PPP2R5A: variants seen among roughly 807,000 people sequenced by gnomAD.
PPP2R5A encodes the protein protein phosphatase 2 regulatory subunit B'alpha.
A neutral mutation model predicts 64.2 loss-of-function variants in PPP2R5A; 25 were observed. That is an observed-to-expected ratio of 0.39 (90% CI 0.28 to 0.54). PPP2R5A has a LOEUF of 0.54. Among genes scored for constraint, PPP2R5A ranks in the 20% least tolerant of loss-of-function variants. The probability of loss-of-function intolerance (pLI) is 0.67; values close to 1 mark genes in which losing one functional copy is unlikely to be tolerated. For synonymous variants in PPP2R5A, 198 were observed against 201.2 expected (o/e 0.98, Z 0.13); for missense variants, 425 against 576.3 (o/e 0.74, Z 2.69).
At chr1:212,360,157 T>C (rs751297383) in intron 12 of PPP2R5A, among the ~76,000 whole-genome samples, 2 of 152,208 alleles carry the variant, frequency 1.3e-5, no homozygotes, top group Non-Finnish European at 2.9e-5. Context: ...TCATTTGACA[T>C]GTAAAAGAGG....
At chr1:212,339,042 A>C (rs1163843307) in intron 3 of PPP2R5A, among the ~76,000 whole-genome samples, 1 of 152,212 alleles carries the variant, frequency 6.6e-6, no homozygotes, top group East Asian at 1.9e-4. Context: ...TGTAGGATGG[A>C]GTAAATAGAG....
chr1:212,292,697 C>T (rs1658622774), intron 1 of PPP2R5A, among the ~76,000 whole-genome samples: 1 of 152,152 alleles, frequency 6.6e-6, no homozygotes. Flanking sequence ...GTAGCTAGGA[C>T]TACAGGTGTG....
At chr1:212,348,326 T>C (rs1054546050) in intron 6 of PPP2R5A, 63 bp from the exon 7 acceptor site, 4 of 1,018,208 alleles carry the variant, frequency 3.9e-6, no homozygotes, top group Non-Finnish European at 6.2e-6. Context: ...CTCATGGATA[T>C]GACAGCTTTT....
At chr1:212,353,087 A>T (rs1659916128) in intron 8 of PPP2R5A, 1 of 409,294 alleles carries the variant, frequency 2.4e-6, no homozygotes, top group South Asian at 1.8e-5. Context: ...GTTGAGTCTC[A>T]TATAAAGTGT....
chr1:212,331,656 A>G (rs532911145), intron 2 of PPP2R5A: 2 of 152,122 alleles, frequency 1.3e-5, no homozygotes, highest in Non-Finnish European at 2.9e-5. Context: ...ACTGTTACTG[A>G]TTTCAAATGG....
Position 212,329,310 on chromosome 1 carries a change from G to T in PPP2R5A, c.357G>T (p.Ala119=). 1 of 1,600,796 alleles carries T rather than the reference G, an allele frequency of 6.2e-7. No homozygotes were observed. Among genetic ancestry groups the T allele is most frequent in the South Asian group, 1.1e-5 (1 of 87,982 alleles). The change falls in exon 2 of 13, where the codon GCG becomes GCT. Residue 119 remains alanine (A), a synonymous_variant. Coordinates refer to ENST00000261461, the MANE Select transcript of PPP2R5A (RefSeq NM_006243.4). ...STNRGVIVES[A]YSDIVKMISA... Reference sequence around the variant, plus strand: ...ATCGTGGTGTAATTGTTGAATCAGCGTATTCTGATATAGTAAAAATGGTAA... The same window carrying T: ...ATCGTGGTGTAATTGTTGAATCAGCTTATTCTGATATAGTAAAAATGGTAA...
intron 1 of PPP2R5A, among the ~76,000 whole-genome samples, chr1:212,305,853 A>G (rs1658890416): frequency 6.6e-6 from 1 of 152,178 alleles, no homozygotes; most frequent in Non-Finnish European, 1.5e-5. Flanking sequence ...ATTTATATCT[A>G]AATAAGATAT....
At chr1:212,338,712 A>C (rs1284793218) in intron 3 of PPP2R5A, among the ~76,000 whole-genome samples, 1 of 151,926 alleles carries the variant, frequency 6.6e-6, no homozygotes, top group Non-Finnish European at 1.5e-5. Flanking sequence ...GCTTGAACCC[A>C]GGAGGCAGAG....
chr1:212,344,713 A>G (rs1659743676), intron 4 of PPP2R5A, among the ~76,000 whole-genome samples: 2 of 152,194 alleles, frequency 1.3e-5, no homozygotes, highest in South Asian at 4.1e-4. Context: ...TTAAATGGAA[A>G]TTTGAGATTT....
At chr1:212,303,930 T>C (rs761078285) in intron 1 of PPP2R5A, among the ~76,000 whole-genome samples, 3 of 152,254 alleles carry the variant, frequency 2.0e-5, no homozygotes, top group Non-Finnish European at 4.4e-5. Context: ...TTACTTGTTT[T>C]ATATAGTAAG....
intron 1 of PPP2R5A, among the ~76,000 whole-genome samples, chr1:212,311,279 T>C (rs953291574): frequency 2.6e-5 from 4 of 152,054 alleles, no homozygotes; most frequent in African/African-American, 4.8e-5. Context: ...CCATCCTGGC[T>C]AACACGGTGA....
chr1:212,339,992 T>TA (rs67654928), intron 3 of PPP2R5A, among the ~76,000 whole-genome samples: 28,632 of 72,766 alleles, frequency 0.39, 7,223 homozygotes, highest in African/African-American at 0.54. Context: ...ACATGCTGCT[T>TA]AAAAAAAAAA....
At chr1:212,328,896 G>A (rs527733409) in intron 1 of PPP2R5A, among the ~76,000 whole-genome samples, 16 of 152,000 alleles carry the variant, frequency 1.1e-4, no homozygotes, top group African/African-American at 3.9e-4. Context: ...TCTATCTTGG[G>A]CAATGTAGCA....
intron 1 of PPP2R5A, among the ~76,000 whole-genome samples, chr1:212,312,974 A>G (rs1011995339): frequency 1.2e-4 from 19 of 152,240 alleles, no homozygotes; most frequent in African/African-American, 4.6e-4. Flanking sequence ...TATCACTTCA[A>G]CATAAATAGA....
chr1:212,301,955 G>A, intron 1 of PPP2R5A: 2 of 1,349,786 alleles, frequency 1.5e-6, no homozygotes, highest in East Asian at 5.3e-5. Context: ...AATGATTCCT[G>A]CTACTTCAAA....
At chr1:212,334,525 C>T (rs1305009853) in intron 3 of PPP2R5A, among the ~76,000 whole-genome samples, 1 of 152,192 alleles carries the variant, frequency 6.6e-6, no homozygotes, top group Non-Finnish European at 1.5e-5. Context: ...AACACCTGAG[C>T]TCAAGCAGCC....
At chr1:212,312,350 G>C (rs1659055318) in intron 1 of PPP2R5A, among the ~76,000 whole-genome samples, 1 of 152,202 alleles carries the variant, frequency 6.6e-6, no homozygotes. Flanking sequence ...ATGCATGACT[G>C]TACCACTAGC....
At chr1:212,317,752 C>T (rs1476882256) in intron 1 of PPP2R5A, among the ~76,000 whole-genome samples, 1 of 152,028 alleles carries the variant, frequency 6.6e-6, no homozygotes, top group East Asian at 1.9e-4. Flanking sequence ...TTTTAGGAGG[C>T]CGAGGCAGGC....
intron 1 of PPP2R5A, among the ~76,000 whole-genome samples, chr1:212,317,349 A>G (rs1456096198): frequency 2.7e-5 from 1 of 37,476 alleles, no homozygotes; most frequent in Non-Finnish European, 5.4e-5. Context: ...TTTAGAATAC[A>G]GCTTTTAAAG....
Sources: allele counts gnomAD v4.1 joint callset (sites outside exome capture counted in the v4.1 genomes callset), GRCh38; gene constraint gnomAD v4.1.1; transcripts MANE v1.5; gene names NCBI Gene and HGNC (gene_info 2026-07-23, HGNC 2026-07-21).